MRPS30: variants seen among roughly 807,000 people sequenced by gnomAD.
MRPS30 encodes large ribosomal subunit protein mL65.
In MRPS30, 42 loss-of-function variants were observed where a neutral mutation model predicts 43.8. The observed-to-expected ratio is 0.96, with a 90% CI of 0.75 to 1.24. The LOEUF is 1.24. Among genes scored for constraint, MRPS30 ranks in the 50% most tolerant of loss-of-function variants. The pLI, the probability that MRPS30 is intolerant of heterozygous loss-of-function variation, is 0.00. For missense variants in MRPS30, 638 were observed against 570.0 expected (o/e 1.12, Z -1.22); for synonymous variants, 273 against 228.2 (o/e 1.20, Z -1.77).
intron 1 of MRPS30, among the ~76,000 whole-genome samples, chr5:44,810,618 C>T (rs1490440093): frequency 1.3e-5 from 2 of 152,158 alleles, no homozygotes; most frequent in Non-Finnish European, 2.9e-5. Flanking sequence ...ACCTGTTTAA[C>T]TTTGTCAAGA....
chr5:44,811,057 T>C lies in MRPS30; in HGVS notation c.650T>C (p.Ile217Thr). The change falls in exon 2 of 5, where the codon ATT becomes ACT. Residue 217 changes from isoleucine to threonine, a missense_variant. Ile to Thr is a moderately conservative substitution (Grantham distance 89). Transcript: ENST00000507110. Reference sequence around the variant, plus strand: ...TACTGGGTGCGTGGTGAAGAAATTATTCCTCGTGGTCATCGAAGAGGTCGA... The same window carrying C: ...TACTGGGTGCGTGGTGAAGAAATTACTCCTCGTGGTCATCGAAGAGGTCGA... ...HFYWVRGEEI[I>T]PRGHRRGRID... is the part of the protein sequence containing the mutation. 1 of 1,614,100 alleles carries C rather than the reference T, an allele frequency of 6.2e-7. No individual in the cohort carries two copies. Among genetic ancestry groups the C allele is most frequent in the Non-Finnish European group, 8.5e-7 (1 of 1,179,950 alleles).
chr5:44,811,922 C>T lies in MRPS30; in HGVS notation c.755C>T (p.Pro252Leu). ...CTTTTCTTTTTCTTTAAGTTTGTGCCATTGGATTATTCTGTTCCTATAGAA... is the reference window on the plus strand; with the variant it reads ...CTTTTCTTTTTCTTTAAGTTTGTGCTATTGGATTATTCTGTTCCTATAGAA... Reference protein sequence around the residue: ...RISKQLAEFVPLDYSVPIEIP... With the variant: ...RISKQLAEFVLLDYSVPIEIP... The change falls in exon 3 of 5, where the codon CCA becomes CTA. Residue 252 changes from proline (P) to leucine (L), a missense_variant. Physicochemically the swap from Pro to Leu is moderately conservative, Grantham distance 98. Coordinates refer to ENST00000507110, the MANE Select transcript of MRPS30 (RefSeq NM_016640.4). The T allele has an allele frequency of 1.3e-6, 2 of 1,537,198 alleles. No individual in the cohort carries two copies. The highest frequency in any genetic ancestry group is 8.8e-7 in the Non-Finnish European group (1 of 1,137,144).
chr5:44,809,432 T>TGCGGCGCAG lies in MRPS30; in HGVS notation c.478_486dup (p.Arg160_Arg162dup). ...TGCCTGCTGCAGGAGCACTTCTACC[T>TGCGGCGCAG]GCGGCGCAGGCGGCGCGTGCACCGT... On this transcript the variant is annotated inframe_insertion, in exon 1 of 5. Transcript: ENST00000507110. 6.2e-7 allele frequency: 1 copy of TGCGGCGCAG among 1,613,608 alleles called. No individual in the cohort carries two copies. Among genetic ancestry groups the TGCGGCGCAG allele is most frequent in the African/African-American group, 1.3e-5 (1 of 75,062 alleles).
At chr5:44,813,807 G>A (rs1466520438) in intron 4 of MRPS30, among the ~76,000 whole-genome samples, 2 of 151,922 alleles carry the variant, frequency 1.3e-5, no homozygotes, top group African/African-American at 4.8e-5. Flanking sequence ...GGTGTGGGGT[G>A]GTAAAAGATA....
In MRPS30 at chr5:44,812,034, T is replaced by C; in HGVS notation, c.853+14T>C. 6.5e-7 allele frequency: 1 copy of C among 1,529,190 alleles called. No homozygotes were observed. The highest frequency in any genetic ancestry group is 9.0e-7 in the Non-Finnish European group (1 of 1,114,668). 94.7% of individuals were successfully genotyped at this position (1,529,190 alleles called of 1,614,324 possible). ...ACATATTTGTTGGTAAGTTTCTCTTTTGACATATTGTACCATAAATGTGTT... is the reference window on the plus strand; with the variant it reads ...ACATATTTGTTGGTAAGTTTCTCTTCTGACATATTGTACCATAAATGTGTT... On this transcript the variant is annotated intron_variant, in intron 3 of 4. Coordinates refer to ENST00000507110, the MANE Select transcript of MRPS30 (RefSeq NM_016640.4).
In MRPS30 at chr5:44,812,009, A is replaced by G. The variant is rs772882426; in HGVS notation, c.842A>G (p.His281Arg). ...TTATTCAAACGGCAGTATGAAAACC[A>G]CATATTTGTTGGTAAGTTTCTCTTT... is the stretch of plus-strand genomic sequence containing the variant. ...LPLFKRQYEN[H>R]IFVGSKTADP... The change falls in exon 3 of 5, where the codon CAC becomes CGC. Residue 281 changes from histidine (H) to arginine (R), a missense_variant. Transcript: ENST00000507110. The G allele has an allele frequency of 1.9e-6, 3 of 1,584,012 alleles. No homozygotes were observed. Among genetic ancestry groups the G allele is most frequent in the Middle Eastern group, 1.7e-4 (1 of 5,958 alleles).
At chr5:44,814,438 G>T (rs980020421) in intron 4 of MRPS30, among the ~76,000 whole-genome samples, 2 of 152,198 alleles carry the variant, frequency 1.3e-5, no homozygotes, top group Non-Finnish European at 2.9e-5. Flanking sequence ...GAAGATGGTA[G>T]AATGGCACTG....
In MRPS30 at chr5:44,809,457, T is replaced by C; in HGVS notation, c.495T>C (p.Arg165=). ...FYLRRRRRVH[R]YEESEVISLP... is the part of the protein sequence containing the mutation. ...TGCGGCGCAGGCGGCGCGTGCACCG[T>C]TACGAGGAGAGCGAGGTCATATCTT... The change falls in exon 1 of 5, where the codon CGT becomes CGC. Residue 165 remains arginine, a synonymous_variant. Coordinates refer to ENST00000507110, the MANE Select transcript of MRPS30 (RefSeq NM_016640.4). 1.2e-6 allele frequency: 2 copies of C among 1,613,894 alleles called. No homozygotes were observed. Among genetic ancestry groups the C allele is most frequent in the South Asian group, 1.1e-5 (1 of 91,084 alleles).
chr5:44,809,499 G>A lies in MRPS30; in HGVS notation c.537G>A (p.Gln179=), dbSNP rs774121794. ...SEVISLPFLD[Q]LVSTLVGLLS... Reference sequence around the variant, plus strand: ...TCATATCTTTGCCCTTCCTGGATCAGCTGGTGTCAACCCTCGTGGGCCTCC... The same window carrying A: ...TCATATCTTTGCCCTTCCTGGATCAACTGGTGTCAACCCTCGTGGGCCTCC... The change falls in exon 1 of 5, where the codon CAG becomes CAA. Residue 179 remains glutamine (Q), a synonymous_variant. Coordinates refer to ENST00000507110, the MANE Select transcript of MRPS30 (RefSeq NM_016640.4). The A allele has an allele frequency of 1.2e-5, 19 of 1,613,630 alleles. No homozygotes were observed. The highest frequency in any genetic ancestry group is 3.3e-5 in the Admixed American group (2 of 60,000).
chr5:44,810,658 A>G (rs1742825224), intron 1 of MRPS30, among the ~76,000 whole-genome samples: 1 of 152,200 alleles, frequency 6.6e-6, no homozygotes, highest in Admixed American at 6.5e-5. Flanking sequence ...AAATAGAGAT[A>G]ATGAAAAGTA....
rs746892797 is a variant in MRPS30, at chr5:44,809,570, C to T, written c.601+7C>T. The T allele has an allele frequency of 2.5e-6, 4 of 1,581,622 alleles. No homozygotes were observed. Among genetic ancestry groups the T allele is most frequent in the South Asian group, 2.3e-5 (2 of 85,738 alleles). On this transcript the variant is annotated splice_region_variant and intron_variant, in intron 1 of 4. Coordinates refer to ENST00000507110, the MANE Select transcript of MRPS30 (RefSeq NM_016640.4). ...CTGGCCGCTGCCGCCCTCGGTGAGC[C>T]TTGGATTCCGCCCCAGGGCGGAAGG...
At chr5:44,810,164 T>G (rs568679165) in intron 1 of MRPS30, among the ~76,000 whole-genome samples, 67 of 152,260 alleles carry the variant, frequency 4.4e-4, no homozygotes, top group African/African-American at 1.5e-3. Context: ...TGTGCCAACT[T>G]ATTAATGCTC....
chr5:44,814,817 T>C, intron 4 of MRPS30, 96 bp from the exon 5 acceptor site: 1 of 1,102,648 alleles, frequency 9.1e-7, no homozygotes. Context: ...ATCTAAGTTG[T>C]AGGAGGTATT....
Position 44,809,504 on chromosome 5 carries a change from T to C in MRPS30, c.542T>C (p.Val181Ala), listed in dbSNP as rs1220905064. ...VISLPFLDQL[V>A]STLVGLLSPH... is the part of the protein sequence containing the mutation. Reference sequence around the variant, plus strand: ...TCTTTGCCCTTCCTGGATCAGCTGGTGTCAACCCTCGTGGGCCTCCTCAGC... The same window carrying C: ...TCTTTGCCCTTCCTGGATCAGCTGGCGTCAACCCTCGTGGGCCTCCTCAGC... The change falls in exon 1 of 5, where the codon GTG (valine) becomes GCG (alanine). Residue 181 changes from valine (V) to alanine (A), a missense_variant. Transcript: ENST00000507110. 1 of 1,613,450 alleles carries C rather than the reference T, an allele frequency of 6.2e-7. No homozygotes were observed. Among genetic ancestry groups the C allele is most frequent in the South Asian group, 1.1e-5 (1 of 90,986 alleles).
intron 2 of MRPS30, 48 bp from the exon 3 acceptor site, chr5:44,811,867 C>G (rs371068953): frequency 1.1e-5 from 12 of 1,141,388 alleles, no homozygotes; most frequent in Non-Finnish European, 1.3e-5. Context: ...GAGTAAAATA[C>G]ATACTAATGT....
chr5:44,809,680 G>C (rs1295973102), intron 1 of MRPS30, 117 bp downstream of exon 1: 16 of 1,197,944 alleles, frequency 1.3e-5, no homozygotes, highest in Non-Finnish European at 1.8e-5. Flanking sequence ...TGTTTTCCTA[G>C]TCCTTTCGTT....
chr5:44,810,487 G>A (rs897953225), intron 1 of MRPS30, among the ~76,000 whole-genome samples: 1 of 152,190 alleles, frequency 6.6e-6, no homozygotes, highest in African/African-American at 2.4e-5. Context: ...TGTTAGGACT[G>A]TAGATGTGTG....
chr5:44,813,254 T>C lies in MRPS30; in HGVS notation c.1002T>C (p.Ala334=). ...CTAATGCTATTGCAAGCCTTTTTGC[T>C]TGGACTGGAGCACAAGCTATGTATC... The part of the protein sequence containing the change: ...FRANAIASLF[A]WTGAQAMYQG... The change falls in exon 4 of 5, where the codon GCT becomes GCC. Residue 334 remains alanine (A), a synonymous_variant. Coordinates refer to ENST00000507110, the MANE Select transcript of MRPS30 (RefSeq NM_016640.4). 1 of 1,608,662 alleles carries C rather than the reference T, an allele frequency of 6.2e-7. No homozygotes were observed. Among genetic ancestry groups the C allele is most frequent in the Non-Finnish European group, 8.5e-7 (1 of 1,178,132 alleles).
chr5:44,813,048 GTGCTCCACATGT>G, intron 3 of MRPS30, 46 bp from the exon 4 acceptor site: 1 of 1,540,244 alleles, frequency 6.5e-7, no homozygotes, highest in South Asian at 1.2e-5. Flanking sequence ...ACTAAAACAT[GTGCTCCACATGT>G]TCTACATGTT....
Sources: gnomAD v4.1 joint callset for allele counts (sites outside exome capture counted in the v4.1 genomes callset) on GRCh38, gnomAD v4.1.1 for gene constraint, MANE v1.5 for transcripts, NCBI Gene and HGNC (gene_info 2026-07-23, HGNC 2026-07-21) for gene names.